TRPM7: variants seen among roughly 807,000 people sequenced by gnomAD.
TRPM7 encodes the protein transient receptor potential cation channel subfamily M member 7, also known as LTRPC ion channel family member 7.
A neutral mutation model predicts 229.7 loss-of-function variants in TRPM7; 134 were observed. That is an observed-to-expected ratio of 0.58 (90% confidence interval 0.51 to 0.67). The LOEUF is 0.67. TRPM7 is among the 30% of genes least tolerant of loss of function. TRPM7 has a pLI of 0.00. For synonymous variants in TRPM7, 699 were observed against 715.2 expected, an observed-to-expected ratio of 0.98 and a Z score of 0.36; for missense variants, 1,901 against 2,210.0, an observed-to-expected ratio of 0.86 and a Z score of 2.80.
Position 50,631,512 on chromosome 15 carries a change from C to T in TRPM7, c.1132-23G>A, listed in dbSNP as rs2060730775. The stretch of plus-strand genomic sequence containing the variant: ...GATCTATTTAAAGATAAATTTATAA[C>T]ATTATGCCTTTATATTTTTAAAACA... On this transcript the variant is annotated intron_variant, in intron 9 of 38. Coordinates refer to ENST00000646667, the MANE Select transcript of TRPM7 (RefSeq NM_017672.6). 6 of 1,488,086 alleles carry T rather than the reference C, an allele frequency of 4.0e-6. No individual in the cohort carries two copies. The South Asian group carries it at 5.9e-5, about 15-fold the overall frequency. The allele number at this position is 1,488,086 out of a possible 1,614,324, so 92.2% of individuals were successfully genotyped here.
intron 1 of TRPM7, among the ~76,000 whole-genome samples, chr15:50,665,822 C>T (rs1350078705): frequency 3.3e-5 from 5 of 151,884 alleles, no homozygotes; most frequent in East Asian, 1.9e-4. Context: ...TGGTGAAAAC[C>T]GTCTCTACTA....
chr15:50,559,719 A>G lies in TRPM7; in HGVS notation c.*1959T>C, dbSNP rs1482085324. The G allele has an allele frequency of 2.0e-5, 3 of 152,190 alleles. No individual in the cohort carries two copies. Among genetic ancestry groups the G allele is most frequent in the Non-Finnish European group, 2.9e-5 (2 of 68,036 alleles). 9.4% of individuals were successfully genotyped at this position (152,190 alleles called of 1,614,324 possible). ...TGTTATAAGGATTAAGTAGGTTAAT[A>G]TATGTGAAATACTTAGAGTAATGTC... is the stretch of plus-strand genomic sequence containing the variant. On this transcript the variant is annotated 3_prime_UTR_variant, in exon 39 of 39. Transcript: ENST00000646667.
chr15:50,646,095 C>G (rs1421056694), intron 4 of TRPM7, among the ~76,000 whole-genome samples: 1 of 134,006 alleles, frequency 7.5e-6, no homozygotes, highest in Non-Finnish European at 1.6e-5. Flanking sequence ...CCAGCCTGGG[C>G]AACAGAGCGA....
At chr15:50,614,286 A>G in intron 13 of TRPM7, 23 bp from the exon 14 acceptor site, 1 of 1,583,480 alleles carries the variant, frequency 6.3e-7, no homozygotes, top group Non-Finnish European at 8.6e-7. Flanking sequence ...CATTTGTTTT[A>G]AATAGATCAG....
intron 1 of TRPM7, among the ~76,000 whole-genome samples, chr15:50,678,082 AT>A (rs1173420498): frequency 1.3e-4 from 19 of 151,654 alleles, no homozygotes; most frequent in Non-Finnish European, 2.2e-4. Context: ...TACTAAAAAA[AT>A]ACAAAAAATC....
At chr15:50,607,556 T>C (rs1372338287) in intron 19 of TRPM7, among the ~76,000 whole-genome samples, 1 of 152,210 alleles carries the variant, frequency 6.6e-6, no homozygotes, top group East Asian at 1.9e-4. Flanking sequence ...TCTACAACTC[T>C]TGTCAACCTT....
At position 50,672,898 on chromosome 15, in the gene TRPM7, C is replaced by CAAAAA. The variant is rs35153596; in HGVS notation, c.4-9857_4-9853dup. Among the ~76,000 whole-genome samples the CAAAAA allele has an allele frequency of 8.8e-4, 23 of 26,220 alleles. 2 individuals carry two copies. Among genetic ancestry groups the CAAAAA allele is most frequent in the African/African-American group, 2.2e-3 (17 of 7,662 alleles). The allele number at this position is 26,220 out of a possible 152,430, so 17.2% of individuals were successfully genotyped here. A position where few individuals can be genotyped will look rare whatever the true frequency, so the allele number is the denominator to read the frequency against. Reference sequence around the variant, plus strand: ...AGGGTGACAGAGTGAGACTCTGTCTCAAAAAAAAAAAAAAAAAAAAAAAAA... The same window carrying CAAAAA: ...AGGGTGACAGAGTGAGACTCTGTCTCAAAAAAAAAAAAAAAAAAAAAAAAAAAAAA... On this transcript the variant is annotated intron_variant, in intron 1 of 38. Transcript: ENST00000646667.
rs1162162491 is a variant in TRPM7 at position 50,560,543 on chromosome 15, A to C, written c.*1135T>G. On this transcript the variant is annotated 3_prime_UTR_variant, in exon 39 of 39. Transcript: ENST00000646667. The stretch of plus-strand genomic sequence containing the variant: ...CCAAGGAAACAAAAGAAAAAGAAAA[A>C]AAAAGAAAAAAAATTAAAGCATAAA... 1.3e-5 allele frequency: 2 copies of C among 152,582 alleles called. No individual in the cohort carries two copies. Among genetic ancestry groups the C allele is most frequent in the African/African-American group, 4.8e-5 (2 of 41,438 alleles). 9.5% of individuals were successfully genotyped at this position (152,582 alleles called of 1,614,324 possible).
At chr15:50,569,322 G>A (rs1379785352) in intron 38 of TRPM7, among the ~76,000 whole-genome samples, 2 of 152,144 alleles carry the variant, frequency 1.3e-5, no homozygotes, top group African/African-American at 2.4e-5. Context: ...CAAAGATGAT[G>A]TTAATATCAT....
chr15:50,591,002 T>C (rs139616975), intron 26 of TRPM7, among the ~76,000 whole-genome samples: 1 of 152,338 alleles, frequency 6.6e-6, no homozygotes, highest in Admixed American at 6.5e-5. Flanking sequence ...GTCTGAATAA[T>C]CTCTATGCAT....
At position 50,586,312 on chromosome 15, in the gene TRPM7, T is replaced by C. The variant is rs1395297; in HGVS notation, c.4486+80A>G. The stretch of plus-strand genomic sequence containing the variant: ...TGACTCCTGCACCATTCACTGCTCA[T>C]GTGTTTGACAAACATAAAATACATT... On this transcript the variant is annotated intron_variant, in intron 28 of 38. Coordinates refer to ENST00000646667, the MANE Select transcript of TRPM7 (RefSeq NM_017672.6). 381,913 of 938,566 alleles carry C rather than the reference T, an allele frequency of 0.41. 79,300 individuals are homozygous for C. The highest frequency in any genetic ancestry group is 0.51 in the Admixed American group (24,098 of 47,680). 58.1% of individuals were successfully genotyped at this position (938,566 alleles called of 1,614,324 possible).
At chr15:50,577,828 G>C (rs2054208802) in intron 31 of TRPM7, among the ~76,000 whole-genome samples, 1 of 152,128 alleles carries the variant, frequency 6.6e-6, no homozygotes, top group African/African-American at 2.4e-5. Flanking sequence ...CCAAATAGCA[G>C]AATGGAAGTA....
chr15:50,575,592 G>T, intron 33 of TRPM7, 132 bp downstream of exon 33: 1 of 762,398 alleles, frequency 1.3e-6, no homozygotes, highest in South Asian at 2.0e-5. Context: ...CACCCTTGTG[G>T]TAGTCAGATT....
rs2053203973 is a variant in TRPM7, at chr15:50,558,525, T to G, written c.*3153A>C. On this transcript the variant is annotated 3_prime_UTR_variant, in exon 39 of 39. Transcript: ENST00000646667. ...CTGGCCAACAAGGTGAAACCTTGTC[T>G]CTACGAAAAATACAAAAATCAGCCA... The G allele has an allele frequency of 6.6e-6, 1 of 152,108 alleles. No individual in the cohort carries two copies. Among genetic ancestry groups the G allele is most frequent in the Admixed American group, 6.6e-5 (1 of 15,254 alleles). 9.4% of individuals were successfully genotyped at this position (152,108 alleles called of 1,614,324 possible). A position where few individuals can be genotyped will look rare whatever the true frequency, so the allele number is the denominator to read the frequency against.
intron 5 of TRPM7, among the ~76,000 whole-genome samples, chr15:50,640,675 T>G (rs1243990840): frequency 6.6e-6 from 1 of 152,060 alleles, no homozygotes; most frequent in Non-Finnish European, 1.5e-5. Context: ...TTTATATATG[T>G]GATAATACCT....
Position 50,614,230 on chromosome 15 carries a change from T to C in TRPM7, c.1528A>G (p.Ile510Val). The C allele has an allele frequency of 1.2e-6, 2 of 1,611,012 alleles. No homozygotes were observed. The highest frequency in any genetic ancestry group is 8.5e-7 in the Non-Finnish European group (1 of 1,178,840). The part of the protein sequence containing the change: ...NLPPGYKITL[I>V]DIGLVIEYLM... The stretch of plus-strand genomic sequence containing the variant: ...TATTCAATAACAAGTCCTATATCAA[T>C]CAGAGTGATCTTATATCCTGGAGGA... Residue 510 changes from isoleucine to valine, a missense_variant, in exon 14 of 39, where the codon ATT (isoleucine) becomes GTT (valine). Ile to Val is a conservative substitution (Grantham distance 29). Transcript: ENST00000646667.
chr15:50,634,326 AAAATAAAT>A lies in TRPM7; in HGVS notation c.1007+48_1007+55del, dbSNP rs140256469. 5.1e-3 allele frequency: 6,128 copies of A among 1,212,996 alleles called. 205 individuals carry two copies. In the African/African-American group the frequency reaches 0.079, roughly 16 times the overall value. 75.1% of individuals were successfully genotyped at this position (1,212,996 alleles called of 1,614,324 possible). On this transcript the variant is annotated intron_variant, in intron 8 of 38. Transcript: ENST00000646667. ...GGAGACACAGCAAGACTCCGTATCA[AAAATAAAT>A]AAATAAATAAATAAATAAAATTAAT...
intron 1 of TRPM7, among the ~76,000 whole-genome samples, chr15:50,682,792 T>C (rs1394755575): frequency 6.6e-6 from 1 of 152,194 alleles, no homozygotes; most frequent in African/African-American, 2.4e-5. Context: ...CCATCTTAAG[T>C]TCTTTTTACT....
chr15:50,666,529 T>A (rs1390710284), intron 1 of TRPM7, among the ~76,000 whole-genome samples: 13 of 151,320 alleles, frequency 8.6e-5, no homozygotes, highest in Admixed American at 8.6e-4. Flanking sequence ...AGAGGCCGGG[T>A]GCAGTGGCTT....
Sources: gnomAD v4.1 joint callset for allele counts (sites outside exome capture counted in the v4.1 genomes callset) on GRCh38, gnomAD v4.1.1 for gene constraint, MANE v1.5 for transcripts, NCBI Gene and HGNC (gene_info 2026-07-23, HGNC 2026-07-21) for gene names.